Variants in MARK2 observed in about 807,000 individuals in gnomAD.
MARK2 encodes the protein microtubule affinity regulating kinase 2.
MARK2 carries 16 observed loss-of-function variants against 89.8 expected under a neutral mutation model. The ratio of observed to expected loss-of-function variants is 0.18; its 90% CI spans 0.12 to 0.27. MARK2 has a LOEUF of 0.27. MARK2 is among the 10% of genes least tolerant of loss of function. The probability of loss-of-function intolerance (pLI) is 1.00; values close to 1 mark genes in which losing one functional copy is unlikely to be tolerated. For synonymous variants in MARK2, 382 were observed against 399.5 expected, an observed-to-expected ratio of 0.96 and a Z score of 0.52; for missense variants, 621 against 1,049.9, an observed-to-expected ratio of 0.59 and a Z score of 5.65.
chr11:63,861,740 CTTT>C (rs531935148), intron 1 of MARK2, among the ~76,000 whole-genome samples: 5 of 127,082 alleles, frequency 3.9e-5, no homozygotes, highest in Middle Eastern at 4.1e-3. Flanking sequence ...CTCATTTACT[CTTT>C]TTTTTTTTTT....
intron 3 of MARK2, 75 bp from the exon 4 acceptor site, chr11:63,898,157 C>T: frequency 7.6e-7 from 1 of 1,320,344 alleles, no homozygotes; most frequent in Non-Finnish European, 1.1e-6. Flanking sequence ...AAAAACAAAT[C>T]CTGGCAGGGA....
Position 63,902,967 on chromosome 11 carries a change from G to C in MARK2, c.1417-94G>C. On this transcript the variant is annotated intron_variant, in intron 13 of 18. Transcript: ENST00000402010. This position sits in a 1 kb window ranked among gnomAD's most constrained non-coding sequence, Gnocchi z 4.2. ...CTACCACTGTCTGCTTCAGGTGGAA[G>C]GGACAGGAAGCCTGTTCCATGAACC... 8.4e-7 allele frequency: 1 copy of C among 1,187,204 alleles called. No homozygotes were observed. The highest frequency in any genetic ancestry group is 1.3e-6 in the Non-Finnish European group (1 of 799,094). 73.5% of individuals were successfully genotyped at this position (1,187,204 alleles called of 1,614,324 possible). A position where few individuals can be genotyped will look rare whatever the true frequency, so the allele number is the denominator to read the frequency against.
intron 1 of MARK2, chr11:63,888,979 T>G: frequency 7.4e-7 from 1 of 1,349,232 alleles, no homozygotes; most frequent in South Asian, 1.1e-5. Flanking sequence ...GTTGTCCCCC[T>G]TTTTACTCTA....
intron 1 of MARK2, among the ~76,000 whole-genome samples, chr11:63,841,030 A>C (rs2015988149): frequency 6.6e-6 from 1 of 151,634 alleles, no homozygotes; most frequent in Non-Finnish European, 1.5e-5. Context: ...CTTGGTGGAG[A>C]ACTTTACTAG....
rs376799657 is a variant in MARK2 at position 63,843,008 on chromosome 11, T to TA, written c.54+3462dup. ...GCTTATAACAGTGAAAGTAGGAGAT[T>TA]AAAAAAAAAAAAAAGTTAAGCCCTG... is the stretch of plus-strand genomic sequence containing the variant. On this transcript the variant is annotated intron_variant, in intron 1 of 18. Coordinates refer to ENST00000402010, the MANE Select transcript of MARK2 (RefSeq NM_001039469.3). 1.4e-3 allele frequency among the ~76,000 whole-genome samples: 208 copies of TA among 143,512 alleles called. 1 individual carries two copies. The highest frequency in any genetic ancestry group is 4.0e-3 in the South Asian group (18 of 4,502). The allele number at this position is 143,512 out of a possible 152,430, so 94.1% of individuals were successfully genotyped here.
chr11:63,855,706 C>G (rs1298705917), intron 1 of MARK2, among the ~76,000 whole-genome samples: 3 of 152,180 alleles, frequency 2.0e-5, no homozygotes, highest in Non-Finnish European at 4.4e-5. Context: ...TATTTTTCAA[C>G]TACATGTCTC....
chr11:63,864,523 G>A (rs971129136), intron 1 of MARK2, among the ~76,000 whole-genome samples: 4 of 151,998 alleles, frequency 2.6e-5, no homozygotes, highest in Non-Finnish European at 5.9e-5. Flanking sequence ...GCCTCCCAGA[G>A]TGCTGGGATT....
chr11:63,881,160 C>T (rs1939065520), intron 1 of MARK2, among the ~76,000 whole-genome samples: 1 of 151,870 alleles, frequency 6.6e-6, no homozygotes. Flanking sequence ...AACAAATTAG[C>T]CAGGCATGGT....
chr11:63,843,965 G>C (rs1478914155), intron 1 of MARK2, among the ~76,000 whole-genome samples: 1 of 152,132 alleles, frequency 6.6e-6, no homozygotes, highest in Non-Finnish European at 1.5e-5. Context: ...GCAGCAGTGT[G>C]CCCTGGTGCT....
intron 1 of MARK2, among the ~76,000 whole-genome samples, chr11:63,893,441 C>T (rs1377553386): frequency 6.6e-6 from 1 of 151,806 alleles, no homozygotes; most frequent in African/African-American, 2.4e-5. Flanking sequence ...TTTGTCTATC[C>T]GTTCATCCAG....
At chr11:63,898,362 A>G in intron 4 of MARK2, 82 bp downstream of exon 4, 3 of 1,377,056 alleles carry the variant, frequency 2.2e-6, no homozygotes, top group Non-Finnish European at 3.1e-6. Context: ...CCCGAGGTGC[A>G]CTGCCTTCTG....
chr11:63,839,651 G>C lies in MARK2; in HGVS notation c.54+91G>C, dbSNP rs1037649797. 3 of 826,032 alleles carry C rather than the reference G, an allele frequency of 3.6e-6. No individual in the cohort carries two copies. The African/African-American group carries it at 5.3e-5, about 15-fold the overall frequency. The allele number at this position is 826,032 out of a possible 1,614,324, so 51.2% of individuals were successfully genotyped here. On this transcript the variant is annotated intron_variant, in intron 1 of 18. Coordinates refer to ENST00000402010, the MANE Select transcript of MARK2 (RefSeq NM_001039469.3). ...CCTCTTCTGCTCTCCTCGTGCCCCT[G>C]CTGCCATCCTGCAAGCCTCGGCTGC...
At chr11:63,847,784 C>T (rs1481769335) in intron 1 of MARK2, among the ~76,000 whole-genome samples, 1 of 152,118 alleles carries the variant, frequency 6.6e-6, no homozygotes, top group African/African-American at 2.4e-5. Flanking sequence ...CTTTTTTGGA[C>T]TCCCTTCCCA....
At chr11:63,849,960 A>G (rs1419926897) in intron 1 of MARK2, 1 of 152,234 alleles carries the variant, frequency 6.6e-6, no homozygotes, top group Non-Finnish European at 1.5e-5. Context: ...GGCACAGCAG[A>G]ATGATCATTG....
intron 18 of MARK2, among the ~76,000 whole-genome samples, 194 bp from the exon 19 acceptor site, chr11:63,908,683 C>T (rs2134236441): frequency 6.6e-6 from 1 of 152,318 alleles, no homozygotes; most frequent in South Asian, 2.1e-4. Flanking sequence ...GCTGGCTTCT[C>T]CTCCCCTTCG....
intron 1 of MARK2, among the ~76,000 whole-genome samples, chr11:63,861,347 A>T (rs1937766331): frequency 6.6e-6 from 1 of 152,090 alleles, no homozygotes; most frequent in Non-Finnish European, 1.5e-5. Context: ...GAGGCAGAGA[A>T]TTGCTTGACC....
chr11:63,850,342 G>GTTT (rs1382022541), intron 1 of MARK2, among the ~76,000 whole-genome samples: 33 of 120,736 alleles, frequency 2.7e-4, no homozygotes, highest in South Asian at 7.8e-4. Context: ...TTTTTTTTTG[G>GTTT]ATTTTTAGTA....
At chr11:63,865,560 G>A (rs1938083571) in intron 1 of MARK2, among the ~76,000 whole-genome samples, 1 of 152,192 alleles carries the variant, frequency 6.6e-6, no homozygotes, top group African/African-American at 2.4e-5. Context: ...TGTGGCCACG[G>A]CTTCCTTGGA....
In MARK2 at chr11:63,903,186, A is replaced by G. The variant is rs113397642; in HGVS notation, c.1514+28A>G. 998 of 1,536,594 alleles carry G rather than the reference A, an allele frequency of 6.5e-4. 11 individuals are homozygous for G. In the African/African-American group the frequency reaches 0.012, roughly 19 times the overall value. On this transcript the variant is annotated intron_variant, in intron 14 of 18. Coordinates refer to ENST00000402010, the MANE Select transcript of MARK2 (RefSeq NM_001039469.3). The surrounding 1 kb of genome is among the most constrained non-coding windows in gnomAD (Gnocchi z 5.1). ...GAGAGACCCGGGCCCTGCCTGCCTC[A>G]CTCCCTAGGAGCCATGTCTCACAGG...
Sources: gnomAD v4.1 joint callset for allele counts (sites outside exome capture counted in the v4.1 genomes callset) on GRCh38, gnomAD v4.1.1 for gene constraint, Gnocchi (gnomAD v3.1) non-coding constraint, MANE v1.5 for transcripts, NCBI Gene and HGNC (gene_info 2026-07-23, HGNC 2026-07-21) for gene names.